PARD3: variants seen among roughly 807,000 people sequenced by gnomAD.
PARD3 encodes the protein par-3 family cell polarity regulator, also known as partitioning defective 3 homolog.
PARD3 carries 75 observed loss-of-function variants against 155.4 expected under a neutral mutation model. The observed-to-expected ratio is 0.48, with a 90% confidence interval of 0.40 to 0.58. The LOEUF (loss-of-function observed/expected upper bound fraction) is 0.58, where lower values mean the gene tolerates loss of function less well. Among genes scored for constraint, PARD3 ranks in the 20% least tolerant of loss-of-function variants. PARD3 has a pLI of 0.00. For synonymous variants in PARD3, 576 were observed against 610.5 expected (o/e 0.94, Z 0.83); for missense variants, 1,642 against 1,721.7 (o/e 0.95, Z 0.82).
chr10:34,202,538 A>G (rs912770969), intron 22 of PARD3, among the ~76,000 whole-genome samples: 4 of 152,250 alleles, frequency 2.6e-5, no homozygotes, highest in Non-Finnish European at 5.9e-5. Context: ...GCATGTTAAC[A>G]GAGGTACAGA....
At chr10:34,312,124 C>T (rs1168272505) in intron 20 of PARD3, 25 of 676,470 alleles carry the variant, frequency 3.7e-5, no homozygotes, top group East Asian at 1.4e-4. Flanking sequence ...GAAAAAAACA[C>T]GTCTCTGCCT....
chr10:34,460,371 T>A (rs2077567313), intron 4 of PARD3, among the ~76,000 whole-genome samples: 1 of 152,082 alleles, frequency 6.6e-6, no homozygotes, highest in Non-Finnish European at 1.5e-5. Context: ...GATGCCCCAA[T>A]AAAAATTAAA....
intron 2 of PARD3, among the ~76,000 whole-genome samples, chr10:34,581,329 G>C (rs892290547): frequency 3.6e-5 from 5 of 138,294 alleles, no homozygotes; most frequent in Admixed American, 7.8e-5. Flanking sequence ...CCACCCTCCA[G>C]GTTCAAATGA....
At chr10:34,665,536 A>T (rs1165623852) in intron 2 of PARD3, among the ~76,000 whole-genome samples, 2 of 151,732 alleles carry the variant, frequency 1.3e-5, no homozygotes, top group South Asian at 2.1e-4. Flanking sequence ...AATTTTAAAA[A>T]TTTTTAAAAA....
At chr10:34,130,641 T>C (rs1947557144) in intron 23 of PARD3, among the ~76,000 whole-genome samples, 1 of 152,126 alleles carries the variant, frequency 6.6e-6, no homozygotes, top group Admixed American at 6.5e-5. Flanking sequence ...AGACACAAGA[T>C]CAGAACACAG....
At position 34,558,820 on chromosome 10, in the gene PARD3, G is replaced by A. The variant is rs149460574; in HGVS notation, c.223-41661C>T. Among the ~76,000 whole-genome samples, 53 of 152,200 alleles carry A rather than the reference G, an allele frequency of 3.5e-4. No individual in the cohort carries two copies. The East Asian group carries it at 7.9e-3, about 23-fold the overall frequency. On this transcript the variant is annotated intron_variant, in intron 2 of 24. Coordinates refer to ENST00000374788, the MANE Select transcript of PARD3 (RefSeq NM_001184785.2). ...AAATTAGCTGGACTTCGTGGCATAC[G>A]CCTGTAATGCCAGCTACTCAGGAGG... is the stretch of plus-strand genomic sequence containing the variant.
At chr10:34,381,994 T>C (rs142089383) in intron 9 of PARD3, among the ~76,000 whole-genome samples, 2 of 124,128 alleles carry the variant, frequency 1.6e-5, no homozygotes, top group Non-Finnish European at 3.6e-5. Context: ...AGGGAAGTAA[T>C]GCAATAATAC....
At chr10:34,227,881 T>TATATATATATATAC (rs1199483392) in intron 22 of PARD3, among the ~76,000 whole-genome samples, 21 of 133,712 alleles carry the variant, frequency 1.6e-4, no homozygotes, top group Non-Finnish European at 2.2e-4. Flanking sequence ...TATATATATA[T>TATATATATATATAC]ATACTGGGAA....
At chr10:34,707,269 A>C (rs1654047463) in intron 1 of PARD3, among the ~76,000 whole-genome samples, 1 of 151,952 alleles carries the variant, frequency 6.6e-6, no homozygotes, top group Non-Finnish European at 1.5e-5. Flanking sequence ...AAAAGAAGAA[A>C]AAAAGTGTTG....
chr10:34,392,802 C>T (rs1245375396), intron 7 of PARD3, among the ~76,000 whole-genome samples: 1 of 151,936 alleles, frequency 6.6e-6, no homozygotes, highest in Non-Finnish European at 1.5e-5. Flanking sequence ...AAATCAAAAT[C>T]CTGTACACTC....
intron 5 of PARD3, among the ~76,000 whole-genome samples, chr10:34,442,506 G>A (rs2076516709): frequency 6.6e-6 from 1 of 152,198 alleles, no homozygotes; most frequent in African/African-American, 2.4e-5. Flanking sequence ...GGCGCACAAG[G>A]AGGCGAGGCT....
At chr10:34,486,497 G>C (rs1469998194) in intron 3 of PARD3, among the ~76,000 whole-genome samples, 3 of 152,224 alleles carry the variant, frequency 2.0e-5, no homozygotes, top group Non-Finnish European at 4.4e-5. Flanking sequence ...ATGTGCAAAA[G>C]CCAGACACTG....
intron 9 of PARD3, among the ~76,000 whole-genome samples, chr10:34,382,146 G>A (rs1320368270): frequency 6.6e-6 from 1 of 151,924 alleles, no homozygotes; most frequent in Admixed American, 6.6e-5. Context: ...CTTGAGGGCT[G>A]GACTTATACA....
intron 1 of PARD3, among the ~76,000 whole-genome samples, chr10:34,750,602 G>A (rs951445699): frequency 1.3e-5 from 2 of 151,924 alleles, no homozygotes; most frequent in African/African-American, 2.4e-5. Flanking sequence ...GGGGCAGGGA[G>A]CCTTATTTCT....
chr10:34,757,897 T>C (rs754805882), intron 1 of PARD3, among the ~76,000 whole-genome samples: 1 of 152,184 alleles, frequency 6.6e-6, no homozygotes, highest in East Asian at 1.9e-4. Flanking sequence ...CTGCTGATGA[T>C]GCTTCAGTAT....
At chr10:34,261,765 G>GA (rs1403985001) in intron 22 of PARD3, among the ~76,000 whole-genome samples, 5 of 130,526 alleles carry the variant, frequency 3.8e-5, no homozygotes, top group African/African-American at 1.4e-4. Context: ...AGAAAGGAAG[G>GA]AAGGAAGAAA....
intron 2 of PARD3, among the ~76,000 whole-genome samples, chr10:34,619,856 C>T (rs2091522900): frequency 6.6e-6 from 1 of 152,176 alleles, no homozygotes; most frequent in African/African-American, 2.4e-5. Context: ...GGAAACTGTT[C>T]CTGACACTGG....
intron 15 of PARD3, chr10:34,344,910 T>G (rs1837243143): frequency 4.1e-6 from 4 of 985,380 alleles, no homozygotes; most frequent in Non-Finnish European, 4.8e-6. Flanking sequence ...ATTAATGTAT[T>G]TGCTCCATAA....
intron 5 of PARD3, among the ~76,000 whole-genome samples, chr10:34,406,415 C>T (rs189814159): frequency 1.4e-3 from 206 of 152,144 alleles, no homozygotes; most frequent in African/African-American, 4.5e-3. Context: ...TCCTAGAACA[C>T]GGGAGAAATG....
Sources: allele counts gnomAD v4.1 joint callset (sites outside exome capture counted in the v4.1 genomes callset), GRCh38; gene constraint gnomAD v4.1.1; transcripts MANE v1.5; gene names NCBI Gene and HGNC (gene_info 2026-07-23, HGNC 2026-07-21).